The following CCDC148 variants were observed in gnomAD, a reference collection of about 807,000 sequenced individuals.
The protein encoded by CCDC148 is coiled-coil domain containing 148, also known as coiled-coil domain-containing protein 148.
CCDC148 carries 89 observed loss-of-function variants against 85.7 expected under a neutral mutation model. The ratio of observed to expected loss-of-function variants is 1.04; its 90% CI spans 0.87 to 1.24. The LOEUF (loss-of-function observed/expected upper bound fraction) is 1.24, where lower values mean the gene tolerates loss of function less well. Among genes scored for constraint, CCDC148 ranks in the 50% most tolerant of loss-of-function variants. The pLI is 0.00. For missense variants in CCDC148, 692 were observed against 671.7 expected, an observed-to-expected ratio of 1.03 and a Z score of -0.33; for synonymous variants, 230 against 213.9, an observed-to-expected ratio of 1.08 and a Z score of -0.66.
chr2:158,283,338 A>T (rs573225390), intron 9 of CCDC148, among the ~76,000 whole-genome samples: 1 of 152,242 alleles, frequency 6.6e-6, no homozygotes, highest in Non-Finnish European at 1.5e-5. Context: ...CAGAGTGAAC[A>T]GGCAACCTAC....
chr2:158,275,605 C>G (rs1157330110), intron 9 of CCDC148, among the ~76,000 whole-genome samples: 1 of 152,066 alleles, frequency 6.6e-6, no homozygotes, highest in East Asian at 1.9e-4. Flanking sequence ...TATCAAATCC[C>G]TGTCAATCTA....
chr2:158,210,818 G>C (rs1302820445), intron 11 of CCDC148, among the ~76,000 whole-genome samples: 2 of 150,014 alleles, frequency 1.3e-5, no homozygotes, highest in Non-Finnish European at 3.0e-5. Flanking sequence ...AATTAGCCGG[G>C]CATGGTAGCA....
In CCDC148 at chr2:158,345,242, T is replaced by C. The variant is rs4664950; in HGVS notation, c.224A>G (p.Gln75Arg). Reference protein sequence around the residue: ...LIKQHKQVWWQEYQRLNEVRC... With the variant: ...LIKQHKQVWWREYQRLNEVRC... ...GACTTCATTCAGCCTCTGGTATTCC[T>C]GCCACCACACTTGCTTGTGTTGTTT... The change falls in exon 3 of 14, where the codon CAG (glutamine) becomes CGG (arginine). Residue 75 changes from glutamine to arginine, a missense_variant. Transcript: ENST00000283233. 37,085 of 1,613,400 alleles carry C rather than the reference T, an allele frequency of 0.023. 585 individuals carry two copies. Among genetic ancestry groups the C allele is most frequent in the South Asian group, 0.052 (4,698 of 91,026 alleles).
chr2:158,399,564 C>A (rs1227327595), intron 1 of CCDC148, among the ~76,000 whole-genome samples: 1 of 152,078 alleles, frequency 6.6e-6, no homozygotes, highest in Non-Finnish European at 1.5e-5. Context: ...AGGCATTCGA[C>A]AAAATTCAAC....
At chr2:158,257,889 T>C (rs1202878230) in intron 9 of CCDC148, among the ~76,000 whole-genome samples, 2 of 151,860 alleles carry the variant, frequency 1.3e-5, no homozygotes, top group Non-Finnish European at 2.9e-5. Flanking sequence ...ACAGCTACTT[T>C]TTCTGAAAGG....
chr2:158,293,136 G>A (rs116833307), intron 9 of CCDC148, among the ~76,000 whole-genome samples: 1,839 of 151,902 alleles, frequency 0.012, 36 homozygotes, highest in African/African-American at 0.041. Context: ...CATGTTTAGC[G>A]TCCAGAAATA....
intron 10 of CCDC148, among the ~76,000 whole-genome samples, chr2:158,230,473 G>T (rs953125826): frequency 1.3e-5 from 2 of 152,158 alleles, no homozygotes; most frequent in Admixed American, 1.3e-4. Context: ...CATTGGATGG[G>T]GAAGACCTCG....
At chr2:158,412,554 T>A (rs971719534) in intron 1 of CCDC148, among the ~76,000 whole-genome samples, 2 of 152,164 alleles carry the variant, frequency 1.3e-5, no homozygotes, top group African/African-American at 4.8e-5. Context: ...GCATAGGAAT[T>A]TTTTGAAAGA....
At chr2:158,207,226 C>T (rs1426725881) in intron 11 of CCDC148, among the ~76,000 whole-genome samples, 1 of 152,152 alleles carries the variant, frequency 6.6e-6, no homozygotes, top group Non-Finnish European at 1.5e-5. Flanking sequence ...CTGCATCACC[C>T]GGATACTGCT....
chr2:158,324,476 A>G (rs1251065565), intron 7 of CCDC148, among the ~76,000 whole-genome samples: 1 of 152,086 alleles, frequency 6.6e-6, no homozygotes, highest in Non-Finnish European at 1.5e-5. Flanking sequence ...CTCATTCCCT[A>G]TTTGCTGGCT....
At chr2:158,303,256 T>C (rs756065409) in intron 9 of CCDC148, among the ~76,000 whole-genome samples, 5 of 152,174 alleles carry the variant, frequency 3.3e-5, no homozygotes, top group Non-Finnish European at 7.3e-5. Context: ...TGAAGTAATA[T>C]TTTTCACACT....
chr2:158,241,924 T>G (rs1203765678), intron 10 of CCDC148, among the ~76,000 whole-genome samples: 1 of 152,124 alleles, frequency 6.6e-6, no homozygotes, highest in African/African-American at 2.4e-5. Context: ...TTAGTATATG[T>G]TTTATTTGTT....
chr2:158,293,329 A>G (rs1454533070), intron 9 of CCDC148, among the ~76,000 whole-genome samples: 1 of 152,124 alleles, frequency 6.6e-6, no homozygotes, highest in Non-Finnish European at 1.5e-5. Flanking sequence ...CACACCTTAC[A>G]CTTGTCTGCA....
chr2:158,227,688 C>G (rs1448841428), intron 10 of CCDC148, among the ~76,000 whole-genome samples: 3 of 152,170 alleles, frequency 2.0e-5, no homozygotes, highest in East Asian at 1.9e-4. Flanking sequence ...ACAAACCTGA[C>G]AAAAACAAGA....
intron 11 of CCDC148, among the ~76,000 whole-genome samples, chr2:158,217,632 C>T (rs1209544372): frequency 6.6e-6 from 1 of 152,036 alleles, no homozygotes; most frequent in Non-Finnish European, 1.5e-5. Flanking sequence ...TCTCAATCTC[C>T]TGACCTTGTG....
At chr2:158,256,096 C>A (rs779147006) in intron 9 of CCDC148, among the ~76,000 whole-genome samples, 1 of 151,596 alleles carries the variant, frequency 6.6e-6, no homozygotes, top group Non-Finnish European at 1.5e-5. Flanking sequence ...AAAAATGAAG[C>A]CCATGAAAAC....
intron 11 of CCDC148, among the ~76,000 whole-genome samples, chr2:158,209,495 C>A (rs930805738): frequency 3.3e-5 from 5 of 152,156 alleles, no homozygotes; most frequent in East Asian, 1.9e-4. Flanking sequence ...GAGGACACAG[C>A]ATCCTTTGCT....
chr2:158,211,471 G>T (rs1686574294), intron 11 of CCDC148, among the ~76,000 whole-genome samples: 1 of 152,118 alleles, frequency 6.6e-6, no homozygotes, highest in Non-Finnish European at 1.5e-5. Flanking sequence ...TCTGATTGTT[G>T]TCTGACCTTT....
At chr2:158,434,431 A>C (rs182553001) in intron 1 of CCDC148, among the ~76,000 whole-genome samples, 6 of 152,314 alleles carry the variant, frequency 3.9e-5, no homozygotes, top group African/African-American at 1.4e-4. Context: ...AAGGAAAACT[A>C]ACAAACAGAA....
Sources: allele counts gnomAD v4.1 joint callset (sites outside exome capture counted in the v4.1 genomes callset), GRCh38; gene constraint gnomAD v4.1.1; transcripts MANE v1.5; gene names NCBI Gene and HGNC (gene_info 2026-07-23, HGNC 2026-07-21).